PLOD2: variants seen among roughly 807,000 people sequenced by gnomAD.
The protein encoded by PLOD2 is lysine hydroxylase 2.
PLOD2 carries 65 observed loss-of-function variants against 101.0 expected under a neutral mutation model. That is an observed-to-expected ratio of 0.64 (90% CI 0.53 to 0.79). The LOEUF is 0.79. Ranked by LOEUF, PLOD2 falls within the 30% of genes least tolerant of loss-of-function variation. The pLI is 0.00. For missense variants in PLOD2, 909 were observed against 914.6 expected (o/e 0.99, Z 0.08); for synonymous variants, 314 against 302.9 (o/e 1.04, Z -0.38).
intron 11 of PLOD2, among the ~76,000 whole-genome samples, chr3:146,084,452 AAAC>A: frequency 6.6e-6 from 1 of 152,294 alleles, no homozygotes; most frequent in Non-Finnish European, 1.5e-5. Context: ...AACAAAATAA[AAAC>A]AATCATTCTA....
At chr3:146,110,161 A>G (rs1296307098) in intron 4 of PLOD2, 124 bp downstream of exon 4, 7 of 812,818 alleles carry the variant, frequency 8.6e-6, no homozygotes, top group Admixed American at 4.0e-5. Flanking sequence ...TGCTTTGTCA[A>G]TATACTAATA....
At chr3:146,099,675 G>C (rs773322792) in intron 7 of PLOD2, among the ~76,000 whole-genome samples, 1 of 151,700 alleles carries the variant, frequency 6.6e-6, no homozygotes, top group Non-Finnish European at 1.5e-5. Context: ...CATGAGGTGT[G>C]AACCACCGCA....
At chr3:146,148,997 A>G (rs1163005952) in intron 1 of PLOD2, among the ~76,000 whole-genome samples, 1 of 152,244 alleles carries the variant, frequency 6.6e-6, no homozygotes, top group Non-Finnish European at 1.5e-5. Flanking sequence ...CCCAAGGATG[A>G]AACTACCCAA....
At chr3:146,083,599 T>TTA in intron 11 of PLOD2, among the ~76,000 whole-genome samples, 1 of 124,900 alleles carries the variant, frequency 8.0e-6, no homozygotes, top group African/African-American at 3.0e-5. Flanking sequence ...TTTTTTTTTT[T>TTA]GAGACGGAGT....
Position 146,087,450 on chromosome 3 carries a change from T to G in PLOD2, c.1006-542A>C, listed in dbSNP as rs532060752. The stretch of plus-strand genomic sequence containing the variant: ...TTACTTAACAAAAAAAGGAAAAATT[T>G]AACAAAATTCTATGGACAGATTAAT... On this transcript the variant is annotated intron_variant, in intron 9 of 19. Coordinates refer to ENST00000282903, the MANE Select transcript of PLOD2 (RefSeq NM_182943.3). 5.3e-5 allele frequency among the ~76,000 whole-genome samples: 8 copies of G among 151,946 alleles called. No homozygotes were observed. In the South Asian group the frequency reaches 1.7e-3, roughly 32 times the overall value.
intron 8 of PLOD2, among the ~76,000 whole-genome samples, chr3:146,089,373 A>C (rs1936897389): frequency 6.6e-6 from 1 of 151,536 alleles, no homozygotes; most frequent in Non-Finnish European, 1.5e-5. Context: ...TCCAATCCAC[A>C]AGATGGGCAA....
Position 146,085,199 on chromosome 3 carries a change from C to T in PLOD2, c.1202G>A (p.Arg401Lys). The change falls in exon 11 of 20, where the codon AGG becomes AAG. Residue 401 changes from arginine to lysine, a missense_variant. Coordinates refer to ENST00000282903, the MANE Select transcript of PLOD2 (RefSeq NM_182943.3). ...TTGTTCAATCAAAATTTTTAAAGTC[C>T]TTGGATTTGTCAAAACAACATCTGC... Reference protein sequence around the residue: ...VDADVVLTNPRTLKILIEQNR... With the variant: ...VDADVVLTNPKTLKILIEQNR... 1 of 1,593,384 alleles carries T rather than the reference C, an allele frequency of 6.3e-7. No individual in the cohort carries two copies.
In PLOD2 at chr3:146,086,802, G is replaced by T; in HGVS notation, c.1112C>A (p.Ala371Asp). The T allele has an allele frequency of 6.8e-7, 1 of 1,476,348 alleles. No individual in the cohort carries two copies. Among genetic ancestry groups the T allele is most frequent in the Non-Finnish European group, 9.2e-7 (1 of 1,089,496 alleles). The allele number at this position is 1,476,348 out of a possible 1,614,324, so 91.5% of individuals were successfully genotyped here. The stretch of plus-strand genomic sequence containing the variant: ...TAAAACATACATTCCCATGTTTCTG[G>T]CTTCCGCTTGACTTAGATTTTCTTC... ...GPEENLSQAE[A>D]RNMGMDFCRQ... Residue 371 changes from alanine (A) to aspartate (D), a missense_variant, in exon 10 of 20, where the codon GCC becomes GAC. Transcript: ENST00000282903.
chr3:146,099,062 C>G (rs1937295677), intron 7 of PLOD2, among the ~76,000 whole-genome samples: 1 of 152,034 alleles, frequency 6.6e-6, no homozygotes, highest in Non-Finnish European at 1.5e-5. Context: ...AATAAAACTT[C>G]ATATTTTATT....
intron 1 of PLOD2, among the ~76,000 whole-genome samples, chr3:146,154,481 A>T (rs866140230): frequency 0.01 from 1,551 of 152,208 alleles, 35 homozygotes; most frequent in African/African-American, 0.035. Context: ...CAGCAAAAAA[A>T]AAAAAAAGTT....
chr3:146,082,494 T>A (rs574321933), intron 11 of PLOD2, among the ~76,000 whole-genome samples: 1 of 152,288 alleles, frequency 6.6e-6, no homozygotes, highest in African/African-American at 2.4e-5. Flanking sequence ...GAAAGCAAAT[T>A]TATGGAACAA....
In PLOD2 at chr3:146,071,397, T is replaced by C. The variant is rs1156430714; in HGVS notation, c.1875A>G (p.Glu625=). 1 of 1,611,932 alleles carries C rather than the reference T, an allele frequency of 6.2e-7. No homozygotes were observed. The highest frequency in any genetic ancestry group is 2.2e-5 in the East Asian group (1 of 44,804). Residue 625 remains glutamate (E), a synonymous_variant, in exon 18 of 20, where the codon GAA becomes GAG. Coordinates refer to ENST00000282903, the MANE Select transcript of PLOD2 (RefSeq NM_182943.3). ...TGTGGATATCATCAGTTGGGACATTTTCATAACCACCAGATATACGGCTAT... is the reference window on the plus strand; with the variant it reads ...TGTGGATATCATCAGTTGGGACATTCTCATAACCACCAGATATACGGCTAT... ...HHDSRISGGY[E]NVPTDDIHMK...
Position 146,076,704 on chromosome 3 carries a change from AT to A in PLOD2, c.1677+77del, listed in dbSNP as rs1262252718. 17 of 768,064 alleles carry A rather than the reference AT, an allele frequency of 2.2e-5. No homozygotes were observed. In the Admixed American group the frequency reaches 3.5e-4, roughly 16 times the overall value. The allele number at this position is 768,064 out of a possible 1,614,324, so 47.6% of individuals were successfully genotyped here. ...GTCATTTTAAAAAGCCTCTAACCAC[AT>A]TTCATATTATTAACCAACTGATTTA... On this transcript the variant is annotated intron_variant, in intron 15 of 19. Transcript: ENST00000282903.
At chr3:146,103,374 C>A (rs1448182240) in intron 6 of PLOD2, among the ~76,000 whole-genome samples, 1 of 151,928 alleles carries the variant, frequency 6.6e-6, no homozygotes, top group African/African-American at 2.4e-5. Flanking sequence ...GCACATTAAG[C>A]AAGATAAAAC....
At chr3:146,077,140 T>C in intron 14 of PLOD2, 1 of 1,142,190 alleles carries the variant, frequency 8.8e-7, no homozygotes, top group Non-Finnish European at 1.1e-6. Context: ...AAGAATGGAC[T>C]GTTTTTGTCC....
At chr3:146,154,405 C>G (rs1415927622) in intron 1 of PLOD2, among the ~76,000 whole-genome samples, 1 of 151,476 alleles carries the variant, frequency 6.6e-6, no homozygotes, top group Non-Finnish European at 1.5e-5. Context: ...GGGGAGTATC[C>G]CCATCACTCA....
intron 14 of PLOD2, chr3:146,077,614 G>T: frequency 5.1e-6 from 2 of 393,630 alleles, no homozygotes; most frequent in East Asian, 4.1e-5. Context: ...AGAATGAAAG[G>T]GACTTAGGTT....
chr3:146,086,731 T>C, intron 10 of PLOD2, 56 bp downstream of exon 10: 1 of 1,216,780 alleles, frequency 8.2e-7, no homozygotes, highest in Non-Finnish European at 1.1e-6. Flanking sequence ...GTTTATTTTT[T>C]CTTAACGTTT....
In PLOD2 at chr3:146,069,926, A is replaced by C. The variant is rs1175791900; in HGVS notation, c.*791T>G. The C allele has an allele frequency of 6.6e-6, 1 of 152,300 alleles. No individual in the cohort carries two copies. Among genetic ancestry groups the C allele is most frequent in the Non-Finnish European group, 1.5e-5 (1 of 67,882 alleles). The allele number at this position is 152,300 out of a possible 1,614,324, so 9.4% of individuals were successfully genotyped here. On this transcript the variant is annotated 3_prime_UTR_variant, in exon 20 of 20. Transcript: ENST00000282903. ...GGAAACAAAGCAAAAACAACAACAA[A>C]AAAAACCTGTTTGACTTAAGGACAC... is the stretch of plus-strand genomic sequence containing the variant.
Sources: gnomAD v4.1 joint callset for allele counts (sites outside exome capture counted in the v4.1 genomes callset) on GRCh38, gnomAD v4.1.1 for gene constraint, MANE v1.5 for transcripts, NCBI Gene and HGNC (gene_info 2026-07-23, HGNC 2026-07-21) for gene names.